CASKIN1: variants seen among roughly 807,000 people sequenced by gnomAD.
CASKIN1 encodes caskin-1.
CASKIN1 carries 42 observed loss-of-function variants against 117.5 expected under a neutral mutation model. The ratio of observed to expected loss-of-function variants is 0.36; its 90% CI spans 0.28 to 0.46. CASKIN1 has a LOEUF of 0.46. Ranked by LOEUF, CASKIN1 falls within the 20% of genes least tolerant of loss-of-function variation. CASKIN1 has a pLI of 1.00. For synonymous variants in CASKIN1, 1,148 were observed against 961.7 expected (o/e 1.19, Z -3.59); for missense variants, 2,083 against 2,077.3 (o/e 1.00, Z -0.05).
Position 2,179,109 on chromosome 16 carries a change from G to A in CASKIN1, c.3992C>T (p.Pro1331Leu). The A allele has an allele frequency of 1.0e-6, 1 of 997,702 alleles. No homozygotes were observed. Among genetic ancestry groups the A allele is most frequent in the Non-Finnish European group, 1.2e-6 (1 of 839,958 alleles). The allele number at this position is 997,702 out of a possible 1,614,324, so 61.8% of individuals were successfully genotyped here. ...LGASPAKPPS[P>L]GAPALHVPAK... ...GGGCACGTGCAGCGCGGGCGCGCCG[G>A]GGGACGGGGGCTTGGCGGGGCTGGC... Residue 1331 changes from proline to leucine, a missense_variant, in exon 19 of 20, where the codon CCC (proline) becomes CTC (leucine). Physicochemically the swap from Pro to Leu is moderately conservative, Grantham distance 98. Around this residue, in one of 3 missense-constraint regions of CASKIN1, gnomAD observed 1,818 missense variants for 1,688.9 expected, o/e 1.08. Coordinates refer to ENST00000343516, the MANE Select transcript of CASKIN1 (RefSeq NM_020764.4). The surrounding 1 kb of genome is among the most constrained non-coding windows in gnomAD (Gnocchi z 5.8).
chr16:2,181,978 C>G (rs779304244), intron 16 of CASKIN1, 49 bp from the exon 17 acceptor site: 48 of 1,605,620 alleles, frequency 3.0e-5, no homozygotes, highest in South Asian at 2.5e-4. Flanking sequence ...TGCCCGCACC[C>G]TGCCCATCTA....
At chr16:2,187,096 C>A (rs762364733) in intron 8 of CASKIN1, 24 bp from the exon 9 acceptor site, 10 of 1,612,978 alleles carry the variant, frequency 6.2e-6, no homozygotes, top group Non-Finnish European at 8.5e-6. Context: ...AGGGGGCCCC[C>A]GAAGTCCTGC....
At chr16:2,194,986 G>C (rs946284741) in intron 1 of CASKIN1, among the ~76,000 whole-genome samples, 21 of 152,234 alleles carry the variant, frequency 1.4e-4, no homozygotes, top group Admixed American at 6.5e-5. Flanking sequence ...TACAGACGAG[G>C]AGACTGAGGT....
chr16:2,190,838 C>T (rs1319923209), intron 1 of CASKIN1, among the ~76,000 whole-genome samples: 1 of 152,172 alleles, frequency 6.6e-6, no homozygotes, highest in African/African-American at 2.4e-5. Context: ...GGAGGATCTG[C>T]GTCTCCACCG....
rs2093174455 is a variant in CASKIN1 at position 2,183,535 on chromosome 16, TC to T, written c.1629+110del. ...TAGCAGGGCATCCTCCACTCTCCTC[TC>T]CCTCAAGCCCCTGAGGGCGGGTGGG... On this transcript the variant is annotated intron_variant, in intron 16 of 19. Transcript: ENST00000343516. The T allele has an allele frequency of 2.9e-6, 3 of 1,032,892 alleles. No homozygotes were observed. The Admixed American group carries it at 6.6e-5, about 23-fold the overall frequency. The allele number at this position is 1,032,892 out of a possible 1,614,324, so 64.0% of individuals were successfully genotyped here.
Position 2,181,173 on chromosome 16 carries a change from C to G in CASKIN1, c.2195G>C (p.Gly732Ala), listed in dbSNP as rs770848780. The G allele has an allele frequency of 2.8e-5, 42 of 1,521,248 alleles. No homozygotes were observed. The African/African-American group carries it at 5.9e-4, about 21-fold the overall frequency. 94.2% of individuals were successfully genotyped at this position (1,521,248 alleles called of 1,614,324 possible). ...CCTGGGCGGGGTGCCGGGGGCGGGG[C>G]CCTCATCCAGGAGGTACTCCTGGCT... ...SRSQEYLLDE[G>A]PAPGTPPREA... Residue 732 changes from glycine to alanine, a missense_variant, in exon 18 of 20, where the codon GGC becomes GCC. Physicochemically the swap from Gly to Ala is moderately conservative, Grantham distance 60. Around this residue, in one of 3 missense-constraint regions of CASKIN1, gnomAD observed 1,818 missense variants for 1,688.9 expected, o/e 1.08. Coordinates refer to ENST00000343516, the MANE Select transcript of CASKIN1 (RefSeq NM_020764.4).
rs775994721 is a variant in CASKIN1 at position 2,178,659 on chromosome 16, G to T, written c.4200-13C>A. On this transcript the variant is annotated splice_polypyrimidine_tract_variant and intron_variant, in intron 19 of 19. Coordinates refer to ENST00000343516, the MANE Select transcript of CASKIN1 (RefSeq NM_020764.4). ...CGCCGCCGAGTCGCTGCGGGGCGCGGGGCAAGGGGCGTGAGTGGGCGGGGC... is the reference window on the plus strand; with the variant it reads ...CGCCGCCGAGTCGCTGCGGGGCGCGTGGCAAGGGGCGTGAGTGGGCGGGGC... 1.9e-6 allele frequency: 3 copies of T among 1,582,618 alleles called. No homozygotes were observed. The Admixed American group carries it at 5.1e-5, about 27-fold the overall frequency.
At position 2,182,257 on chromosome 16, in the gene CASKIN1, T is replaced by C. The variant is rs924471317; in HGVS notation, c.1630-328A>G. 5.9e-5 allele frequency among the ~76,000 whole-genome samples: 9 copies of C among 152,000 alleles called. No individual in the cohort carries two copies. Among genetic ancestry groups the C allele is most frequent in the East Asian group, 3.9e-4 (2 of 5,174 alleles). On this transcript the variant is annotated intron_variant, in intron 16 of 19. Transcript: ENST00000343516. The surrounding 1 kb of genome is among the most constrained non-coding windows in gnomAD (Gnocchi z 4.1). ...ACCATGGGGAGACACACCCGAGTCA[T>C]GGACACAGACGCATGGGGCCACACC... is the stretch of plus-strand genomic sequence containing the variant.
At chr16:2,189,926 C>A (rs2093196403) in intron 3 of CASKIN1, 147 bp downstream of exon 3, 1 of 773,100 alleles carries the variant, frequency 1.3e-6, no homozygotes, top group African/African-American at 1.7e-5. Context: ...CACCCCTGGC[C>A]TCCAGGACCC....
chr16:2,183,561 G>A, intron 16 of CASKIN1, 85 bp downstream of exon 16: 1 of 1,338,950 alleles, frequency 7.5e-7, no homozygotes, highest in Non-Finnish European at 1.0e-6. Context: ...GGGCGGGTGG[G>A]AGTTGTGGCC....
In CASKIN1 at chr16:2,181,077, C is replaced by G; in HGVS notation, c.2291G>C (p.Arg764Pro). 6.7e-7 allele frequency: 1 copy of G among 1,486,216 alleles called. No individual in the cohort carries two copies. Among genetic ancestry groups the G allele is most frequent in the South Asian group, 1.4e-5 (1 of 72,290 alleles). The allele number at this position is 1,486,216 out of a possible 1,614,324, so 92.1% of individuals were successfully genotyped here. A position where few individuals can be genotyped will look rare whatever the true frequency, so the allele number is the denominator to read the frequency against. ...ASVPPVPGKPRQVLPPGTSHF... is the reference protein window; with the variant it reads ...ASVPPVPGKPPQVLPPGTSHF... ...GCTAGTGCCTGGTGGGAGGACCTGC[C>G]GTGGCTTGCCAGGCACGGGGGGCAC... Residue 764 changes from arginine to proline, a missense_variant, in exon 18 of 20, where the codon CGG becomes CCG. This residue lies in a region of CASKIN1 where 1,818 missense variants were observed against 1,688.9 expected (regional missense o/e 1.08). Coordinates refer to ENST00000343516, the MANE Select transcript of CASKIN1 (RefSeq NM_020764.4).
At position 2,186,902 on chromosome 16, in the gene CASKIN1, C is replaced by T. The variant is rs1031464039; in HGVS notation, c.930+76G>A. Reference sequence around the variant, plus strand: ...CCTGCCCAGTGCCCCCCAGTTGCGGCGGGAGGGTGTTCTGGGGTGCGCACG... The same window carrying T: ...CCTGCCCAGTGCCCCCCAGTTGCGGTGGGAGGGTGTTCTGGGGTGCGCACG... On this transcript the variant is annotated intron_variant, in intron 9 of 19. Transcript: ENST00000343516. 8.8e-6 allele frequency: 14 copies of T among 1,599,516 alleles called. No homozygotes were observed. In the African/African-American group the frequency reaches 9.4e-5, roughly 11 times the overall value.
At chr16:2,192,929 C>T (rs891881328) in intron 1 of CASKIN1, among the ~76,000 whole-genome samples, 2 of 152,214 alleles carry the variant, frequency 1.3e-5, no homozygotes, top group Non-Finnish European at 1.5e-5. Flanking sequence ...GCCTGGCCGC[C>T]GAGGCGACTT....
At chr16:2,187,487 C>G (rs377237313) in intron 6 of CASKIN1, 26 bp from the exon 7 acceptor site, 2 of 1,588,100 alleles carry the variant, frequency 1.3e-6, no homozygotes, top group Non-Finnish European at 8.5e-7. Flanking sequence ...GGTGGACAGG[C>G]GGGGCCTTCC....
intron 4 of CASKIN1, 34 bp from the exon 5 acceptor site, chr16:2,189,367 C>G: frequency 6.2e-7 from 1 of 1,611,548 alleles, no homozygotes; most frequent in Non-Finnish European, 8.5e-7. Flanking sequence ...GTCCGCACAT[C>G]CTCAGGCCGC....
chr16:2,192,167 G>T (rs1313193152), intron 1 of CASKIN1, among the ~76,000 whole-genome samples: 1 of 152,068 alleles, frequency 6.6e-6, no homozygotes, highest in African/African-American at 2.4e-5. Flanking sequence ...GGCACGGAGG[G>T]GTGTGCCTGT....
chr16:2,181,605 T>G lies in CASKIN1; in HGVS notation c.1769-6A>C, dbSNP rs771326515. ...CATCAGCTTCTTCTGGTGCCCTGAG[T>G]GGGGCGCAGGGGGCAGGTCAGGTGG... On this transcript the variant is annotated splice_polypyrimidine_tract_variant and splice_region_variant and intron_variant, in intron 17 of 19. Transcript: ENST00000343516. 7.8e-7 allele frequency: 1 copy of G among 1,278,022 alleles called. No individual in the cohort carries two copies. The highest frequency in any genetic ancestry group is 5.4e-5 in the East Asian group (1 of 18,592). 79.2% of individuals were successfully genotyped at this position (1,278,022 alleles called of 1,614,324 possible).
At position 2,178,650 on chromosome 16, in the gene CASKIN1, C is replaced by T; in HGVS notation, c.4200-4G>A. The T allele has an allele frequency of 6.3e-7, 1 of 1,580,496 alleles. No individual in the cohort carries two copies. The highest frequency in any genetic ancestry group is 8.5e-7 in the Non-Finnish European group (1 of 1,170,208). On this transcript the variant is annotated splice_region_variant and splice_polypyrimidine_tract_variant and intron_variant, in intron 19 of 19. Transcript: ENST00000343516. ...GCTCTTTTCCGCCGCCGAGTCGCTG[C>T]GGGGCGCGGGGCAAGGGGCGTGAGT...
intron 1 of CASKIN1, among the ~76,000 whole-genome samples, chr16:2,195,913 C>G (rs2093214322): frequency 6.6e-6 from 1 of 152,130 alleles, no homozygotes; most frequent in African/African-American, 2.4e-5. Context: ...GGACTGTCAC[C>G]TCCCGGGTCG....
Sources: allele counts gnomAD v4.1 joint callset (sites outside exome capture counted in the v4.1 genomes callset), GRCh38; gene constraint gnomAD v4.1.1; regional missense constraint gnomAD v4.1.1; non-coding constraint Gnocchi (gnomAD v3.1); transcripts MANE v1.5; gene names NCBI Gene and HGNC (gene_info 2026-07-23, HGNC 2026-07-21).